The following TTLL4 variants were observed in gnomAD, a reference collection of about 807,000 sequenced individuals.
TTLL4 encodes tubulin monoglutamylase TTLL4.
Under a neutral mutation model 122.7 loss-of-function variants are expected in TTLL4, and 85 were observed. The observed-to-expected ratio is 0.69, with a 90% CI of 0.58 to 0.83. The LOEUF (loss-of-function observed/expected upper bound fraction) is 0.83, where lower values mean the gene tolerates loss of function less well. Among genes scored for constraint, TTLL4 ranks in the 40% least tolerant of loss-of-function variants. The pLI, the probability that TTLL4 is intolerant of heterozygous loss-of-function variation, is 0.00. For missense variants in TTLL4, 1,363 were observed against 1,488.6 expected, an observed-to-expected ratio of 0.92 and a Z score of 1.39; for synonymous variants, 553 against 563.0, an observed-to-expected ratio of 0.98 and a Z score of 0.25.
intron 5 of TTLL4, among the ~76,000 whole-genome samples, chr2:218,741,455 G>A (rs1942699085): frequency 1.3e-5 from 2 of 152,180 alleles, no homozygotes; most frequent in African/African-American, 2.4e-5. Flanking sequence ...TCTCTGCCTC[G>A]TTTAGCATGG....
In TTLL4 at chr2:218,754,234, C is replaced by T. The variant is rs755540341; in HGVS notation, c.3445C>T (p.Pro1149Ser). ...QAGLSPYPQK[P>S]SSSKDSEDTS... ...TGGCCTTTCCCCTTATCCCCAGAAACCCAGTTCCTCAAAGGACAGTGAGGA... is the reference window on the plus strand; with the variant it reads ...TGGCCTTTCCCCTTATCCCCAGAAATCCAGTTCCTCAAAGGACAGTGAGGA... Residue 1149 changes from proline to serine, a missense_variant, in exon 20 of 20, where the codon CCC becomes TCC. By Grantham distance (74) the Pro-to-Ser change is moderately conservative. This residue lies in a region of TTLL4 where 596 missense variants were observed against 655.8 expected (regional missense o/e 0.91). Coordinates refer to ENST00000392102, the MANE Select transcript of TTLL4 (RefSeq NM_014640.5). 1.9e-6 allele frequency: 3 copies of T among 1,614,206 alleles called. No individual in the cohort carries two copies. Among genetic ancestry groups the T allele is most frequent in the Non-Finnish European group, 2.5e-6 (3 of 1,180,052 alleles).
chr2:218,748,790 C>A, intron 12 of TTLL4, 46 bp from the exon 13 acceptor site: 1 of 1,553,834 alleles, frequency 6.4e-7, no homozygotes. Context: ...CTTTGTCACT[C>A]ATTCCTAGAA....
intron 15 of TTLL4, among the ~76,000 whole-genome samples, chr2:218,751,025 G>C (rs1943000616): frequency 1.3e-5 from 2 of 152,182 alleles, no homozygotes; most frequent in South Asian, 2.1e-4. Flanking sequence ...GTGGTTTACA[G>C]AGGAGAAAAC....
Position 218,747,183 on chromosome 2 carries a change from A to T in TTLL4, c.2155A>T (p.Ile719Phe). 6.2e-7 allele frequency: 1 copy of T among 1,614,172 alleles called. No individual in the cohort carries two copies. Among genetic ancestry groups the T allele is most frequent in the Non-Finnish European group, 8.5e-7 (1 of 1,180,036 alleles). ...AWESSSRQKW[I>F]VKPPASARGI... is the part of the protein sequence containing the mutation. ...GGAGAGCAGCAGCCGCCAAAAGTGGATTGTGAAGCCAGTGAGTGAATCACA... is the reference window on the plus strand; with the variant it reads ...GGAGAGCAGCAGCCGCCAAAAGTGGTTTGTGAAGCCAGTGAGTGAATCACA... The change falls in exon 9 of 20, where the codon ATT becomes TTT. Residue 719 changes from isoleucine to phenylalanine, a missense_variant. By Grantham distance (21) the Ile-to-Phe change is conservative. Coordinates refer to ENST00000392102, the MANE Select transcript of TTLL4 (RefSeq NM_014640.5). The surrounding 1 kb of genome is among the most constrained non-coding windows in gnomAD (Gnocchi z 4.7).
chr2:218,746,397 C>A, intron 8 of TTLL4, 166 bp downstream of exon 8: 1 of 666,648 alleles, frequency 1.5e-6, no homozygotes. Flanking sequence ...TGAGAGACTC[C>A]AGTGGATCAC....
chr2:218,733,212 T>C (rs975269906), intron 2 of TTLL4, among the ~76,000 whole-genome samples: 4 of 152,302 alleles, frequency 2.6e-5, no homozygotes, highest in Admixed American at 6.5e-5. Context: ...TCATGGGGAC[T>C]GTATTAGTTC....
At chr2:218,712,953 ACAC>A (rs943150241) in intron 1 of TTLL4, among the ~76,000 whole-genome samples, 8 of 152,262 alleles carry the variant, frequency 5.3e-5, no homozygotes, top group African/African-American at 1.9e-4. Flanking sequence ...TCTGAAAAGA[ACAC>A]AACAGTTAAA....
intron 5 of TTLL4, among the ~76,000 whole-genome samples, chr2:218,741,688 C>T (rs1401482933): frequency 1.3e-5 from 2 of 152,174 alleles, no homozygotes; most frequent in Admixed American, 1.3e-4. Context: ...AGCAGAACTA[C>T]TTCAGGTTAT....
chr2:218,758,019 G>A (rs1166505700), downstream of TTLL4, among the ~76,000 whole-genome samples: 1 of 152,106 alleles, frequency 6.6e-6, no homozygotes, highest in Non-Finnish European at 1.5e-5. Context: ...AACCCTTCTT[G>A]GCCTTTTAGA....
chr2:218,750,356 C>T (rs187391301), intron 15 of TTLL4, among the ~76,000 whole-genome samples: 5 of 152,242 alleles, frequency 3.3e-5, no homozygotes, highest in African/African-American at 9.6e-5. Context: ...AACCACAGGC[C>T]TAGGAATCAG....
intron 2 of TTLL4, among the ~76,000 whole-genome samples, chr2:218,729,766 A>C (rs144430997): frequency 0.31 from 44,404 of 145,348 alleles, 6,961 homozygotes; most frequent in Admixed American, 0.33. Flanking sequence ...AAAAAAACAA[A>C]AAAAAAAAAA....
At position 218,738,202 on chromosome 2, in the gene TTLL4, T is replaced by A; in HGVS notation, c.526T>A (p.Ser176Thr). 6.2e-7 allele frequency: 1 copy of A among 1,613,996 alleles called. No homozygotes were observed. The highest frequency in any genetic ancestry group is 2.2e-5 in the East Asian group (1 of 44,852). The change falls in exon 3 of 20, where the codon TCC becomes ACC. Residue 176 changes from serine to threonine, a missense_variant. Ser to Thr is a moderately conservative substitution (Grantham distance 58). This residue lies in a region of TTLL4 where 760 missense variants were observed against 808.4 expected (regional missense o/e 0.94). Coordinates refer to ENST00000392102, the MANE Select transcript of TTLL4 (RefSeq NM_014640.5). ...CTTCTCCATGGCCCAGCCCATGGCC[T>A]CCTCATCCACAGAACCATACCTCTG... The part of the protein sequence containing the change: ...MVFSMAQPMA[S>T]SSTEPYLCLA...
rs148110392 is a variant in TTLL4 at position 218,749,888 on chromosome 2, T to G, written c.2736-121T>G. The G allele has an allele frequency of 4.3e-5, 58 of 1,347,610 alleles. No homozygotes were observed. In the African/African-American group the frequency reaches 8.2e-4, roughly 19 times the overall value. 83.5% of individuals were successfully genotyped at this position (1,347,610 alleles called of 1,614,324 possible). The stretch of plus-strand genomic sequence containing the variant: ...GTGATGGTGATCCTGCATGGGGATG[T>G]TTGAGCAGCTTTCATCTTAGGGAAG... On this transcript the variant is annotated intron_variant, in intron 14 of 19. Transcript: ENST00000392102.
At chr2:218,745,340 T>C in intron 6 of TTLL4, 107 bp downstream of exon 6, 2 of 1,455,742 alleles carry the variant, frequency 1.4e-6, no homozygotes, top group Non-Finnish European at 1.9e-6. Flanking sequence ...AGAATGGCTG[T>C]TGTGGCAGTT....
chr2:218,727,599 G>A (rs6737386), intron 2 of TTLL4, among the ~76,000 whole-genome samples: 75,508 of 151,828 alleles, frequency 0.5, 19,516 homozygotes, highest in African/African-American at 0.61. Context: ...AGCTGGGCAT[G>A]GTGGCGGGCG....
Position 218,748,933 on chromosome 2 carries a change from T to C in TTLL4, c.2599T>C (p.Ser867Pro). 1 of 1,614,088 alleles carries C rather than the reference T, an allele frequency of 6.2e-7. No homozygotes were observed. Among genetic ancestry groups the C allele is most frequent in the African/African-American group, 1.3e-5 (1 of 75,050 alleles). Residue 867 changes from serine to proline, a missense_variant and splice_region_variant, in exon 13 of 20, where the codon TCG becomes CCG. Around this residue, in one of 3 missense-constraint regions of TTLL4, gnomAD observed 596 missense variants for 655.8 expected, o/e 0.91. Transcript: ENST00000392102. ...GGATGTTGTTGTCAAAACTATCATC[T>C]CGTGAGTCACATTGCCAACCTGGAT... ...IKDVVVKTII[S>P]SEPYVTSLLK...
At chr2:218,720,533 G>A (rs575142350) in intron 1 of TTLL4, among the ~76,000 whole-genome samples, 1 of 152,036 alleles carries the variant, frequency 6.6e-6, no homozygotes, top group Non-Finnish European at 1.5e-5. Context: ...AATTATCCGG[G>A]CACGATGGCG....
intron 5 of TTLL4, among the ~76,000 whole-genome samples, chr2:218,743,155 A>AG (rs1942749871): frequency 6.6e-6 from 1 of 151,858 alleles, no homozygotes; most frequent in African/African-American, 2.4e-5. Context: ...AAAAAAAAAA[A>AG]CAAGATACAG....
At chr2:218,741,380 C>T (rs1358788841) in intron 5 of TTLL4, among the ~76,000 whole-genome samples, 1 of 152,196 alleles carries the variant, frequency 6.6e-6, no homozygotes. Flanking sequence ...ATGGAGCACC[C>T]AGAGTCGGGT....
Sources: gnomAD v4.1 joint callset for allele counts (sites outside exome capture counted in the v4.1 genomes callset) on GRCh38, gnomAD v4.1.1 for gene constraint, gnomAD v4.1.1 regional missense constraint, Gnocchi (gnomAD v3.1) non-coding constraint, MANE v1.5 for transcripts, NCBI Gene and HGNC (gene_info 2026-07-23, HGNC 2026-07-21) for gene names.